SORCS3: variants seen among roughly 807,000 people sequenced by gnomAD.
The protein encoded by SORCS3 is VPS10 domain-containing receptor SorCS3.
Under a neutral mutation model 146.3 loss-of-function variants are expected in SORCS3, and 57 were observed. That is an observed-to-expected ratio of 0.39 (90% CI 0.31 to 0.49). The LOEUF is 0.49. SORCS3 is among the 20% of genes least tolerant of loss of function. The pLI, the probability that SORCS3 is intolerant of heterozygous loss-of-function variation, is 0.92. For synonymous variants in SORCS3, 653 were observed against 618.5 expected (o/e 1.06, Z -0.83); for missense variants, 1,341 against 1,575.5 (o/e 0.85, Z 2.52).
intron 1 of SORCS3, among the ~76,000 whole-genome samples, chr10:104,798,635 G>A (rs1049902070): frequency 4.6e-5 from 7 of 152,180 alleles, no homozygotes; most frequent in Non-Finnish European, 1.0e-4. Flanking sequence ...ACAAAACTAA[G>A]TATCCACTCA....
At chr10:104,974,640 T>C (rs916552036) in intron 3 of SORCS3, among the ~76,000 whole-genome samples, 1 of 152,192 alleles carries the variant, frequency 6.6e-6, no homozygotes, top group African/African-American at 2.4e-5. Context: ...GGGTCTTGAC[T>C]CTTTATCCAA....
chr10:105,126,940 G>A (rs1324843901), intron 7 of SORCS3, among the ~76,000 whole-genome samples: 1 of 152,134 alleles, frequency 6.6e-6, no homozygotes, highest in Non-Finnish European at 1.5e-5. Flanking sequence ...CATCTTGTAT[G>A]TTGTTTGCTT....
At chr10:105,207,641 T>A (rs564866282) in intron 16 of SORCS3, among the ~76,000 whole-genome samples, 6 of 152,172 alleles carry the variant, frequency 3.9e-5, no homozygotes, top group Non-Finnish European at 8.8e-5. Flanking sequence ...GGAAGGAGAT[T>A]GAGCTGTATG....
chr10:104,704,247 A>T (rs927402939), intron 1 of SORCS3, among the ~76,000 whole-genome samples: 2 of 150,690 alleles, frequency 1.3e-5, no homozygotes, highest in African/African-American at 4.9e-5. Flanking sequence ...GGCTTAGTGC[A>T]GCCTTGACTT....
At chr10:105,028,508 T>A (rs1266580356) in intron 4 of SORCS3, among the ~76,000 whole-genome samples, 1 of 152,182 alleles carries the variant, frequency 6.6e-6, no homozygotes, top group Non-Finnish European at 1.5e-5. Flanking sequence ...ACAGTCTGGC[T>A]CAGGCACTCC....
intron 19 of SORCS3, among the ~76,000 whole-genome samples, chr10:105,221,572 A>G (rs2056702736): frequency 6.6e-6 from 1 of 152,310 alleles, no homozygotes; most frequent in South Asian, 2.1e-4. Flanking sequence ...AAGATAAAGG[A>G]AAAAATCATA....
At chr10:105,032,325 A>G (rs1424481004) in intron 4 of SORCS3, among the ~76,000 whole-genome samples, 1 of 152,242 alleles carries the variant, frequency 6.6e-6, no homozygotes, top group African/African-American at 2.4e-5. Context: ...GAACTTCAGT[A>G]TCCTCCTTCA....
At chr10:104,766,130 A>G (rs2017177024) in intron 1 of SORCS3, among the ~76,000 whole-genome samples, 1 of 152,244 alleles carries the variant, frequency 6.6e-6, no homozygotes, top group Non-Finnish European at 1.5e-5. Context: ...ATGACCCAGG[A>G]AAAATGTCAG....
chr10:105,261,788 T>C lies in SORCS3; in HGVS notation c.3444-543T>C, dbSNP rs1185940545. Among the ~76,000 whole-genome samples, 3 of 152,234 alleles carry C rather than the reference T, an allele frequency of 2.0e-5. No homozygotes were observed. The East Asian group carries it at 5.8e-4, about 29-fold the overall frequency. The stretch of plus-strand genomic sequence containing the variant: ...TCATCTCCAAAATCCAAAAAGAAAC[T>C]ATTGTCATCCCCATTGAACAGATGA... On this transcript the variant is annotated intron_variant, in intron 25 of 26. Transcript: ENST00000369701.
chr10:104,936,270 GA>G (rs1365706816), intron 3 of SORCS3, among the ~76,000 whole-genome samples: 1 of 151,046 alleles, frequency 6.6e-6, no homozygotes, highest in South Asian at 2.1e-4. Flanking sequence ...AATGGAGCAA[GA>G]AAAAAAAATG....
At position 105,105,418 on chromosome 10, in the gene SORCS3, G is replaced by T; in HGVS notation, c.1115G>T (p.Arg372Met). 6.2e-7 allele frequency: 1 copy of T among 1,613,438 alleles called. No individual in the cohort carries two copies. Among genetic ancestry groups the T allele is most frequent in the Non-Finnish European group, 8.5e-7 (1 of 1,179,522 alleles). The change falls in exon 7 of 27, where the codon AGG becomes ATG. Residue 372 changes from arginine (R) to methionine (M), a missense_variant. Transcript: ENST00000369701. The part of the protein sequence containing the change: ...TDGYAHYLTC[R>M]IQECAETTRS... ...TCAGATGCTCACTACCTCACCTGCA[G>T]GATCCAGGAATGTGCCGAGACAACT...
At position 104,679,378 on chromosome 10, in the gene SORCS3, T is replaced by C. The variant is rs1361304036; in HGVS notation, c.627+37424T>C. On this transcript the variant is annotated intron_variant, in intron 1 of 26. Coordinates refer to ENST00000369701, the MANE Select transcript of SORCS3 (RefSeq NM_014978.3). ...AAATGAAGGGACCCACCAGTTACTATGAATCAGGAATATTACCAGATGCTT... is the reference window on the plus strand; with the variant it reads ...AAATGAAGGGACCCACCAGTTACTACGAATCAGGAATATTACCAGATGCTT... Among the ~76,000 whole-genome samples, 3 of 152,204 alleles carry C rather than the reference T, an allele frequency of 2.0e-5. No homozygotes were observed. The East Asian group carries it at 5.8e-4, about 29-fold the overall frequency.
chr10:104,885,142 G>A (rs921812004), intron 2 of SORCS3, among the ~76,000 whole-genome samples: 3 of 152,174 alleles, frequency 2.0e-5, no homozygotes, highest in African/African-American at 7.2e-5. Flanking sequence ...AGGAGACTGG[G>A]CTGCTGCTCA....
intron 4 of SORCS3, among the ~76,000 whole-genome samples, chr10:105,018,694 A>C (rs115655368): frequency 4.7e-4 from 72 of 152,338 alleles, no homozygotes; most frequent in African/African-American, 1.6e-3. Flanking sequence ...AACAAAATTG[A>C]ATTGAATTGT....
intron 5 of SORCS3, among the ~76,000 whole-genome samples, chr10:105,051,341 T>C (rs1020276095): frequency 2.6e-5 from 4 of 151,954 alleles, no homozygotes; most frequent in East Asian, 1.9e-4. Flanking sequence ...GAAGTGAAAA[T>C]TGGGGATGGT....
At chr10:105,073,510 C>T (rs1455689887) in intron 5 of SORCS3, among the ~76,000 whole-genome samples, 1 of 152,178 alleles carries the variant, frequency 6.6e-6, no homozygotes, top group Non-Finnish European at 1.5e-5. Flanking sequence ...ATTTATTCCA[C>T]TTCTTTCCTT....
intron 20 of SORCS3, among the ~76,000 whole-genome samples, chr10:105,231,089 C>T (rs893487712): frequency 3.3e-5 from 5 of 152,160 alleles, no homozygotes; most frequent in Admixed American, 2.0e-4. Context: ...AACTCCTAGC[C>T]GATCCTGGCC....
intron 2 of SORCS3, 118 bp from the exon 3 acceptor site, chr10:104,915,715 C>G (rs1377711420): frequency 5.1e-6 from 4 of 786,030 alleles, no homozygotes; most frequent in East Asian, 5.1e-5. Context: ...CTCTGAAGCA[C>G]TCATATGATT....
At chr10:105,139,226 A>G (rs2056078162) in intron 7 of SORCS3, among the ~76,000 whole-genome samples, 171 bp from the exon 8 acceptor site, 1 of 152,204 alleles carries the variant, frequency 6.6e-6, no homozygotes, top group Non-Finnish European at 1.5e-5. Flanking sequence ...AGCACTGTGC[A>G]GTGGGAGCAA....
Sources: gnomAD v4.1 joint callset for allele counts (sites outside exome capture counted in the v4.1 genomes callset) on GRCh38, gnomAD v4.1.1 for gene constraint, MANE v1.5 for transcripts, NCBI Gene and HGNC (gene_info 2026-07-23, HGNC 2026-07-21) for gene names.